SLCO2A1: variants seen among roughly 807,000 people sequenced by gnomAD.
SLCO2A1 encodes the protein solute carrier organic anion transporter family member 2A1.
Under a neutral mutation model 71.7 loss-of-function variants are expected in SLCO2A1, and 60 were observed. The ratio of observed to expected loss-of-function variants is 0.84; its 90% CI spans 0.68 to 1.04. The LOEUF (loss-of-function observed/expected upper bound fraction) is 1.04, where lower values mean the gene tolerates loss of function less well. Among genes scored for constraint, SLCO2A1 ranks in the 50% least tolerant of loss-of-function variants. The pLI is 0.00. For missense variants in SLCO2A1, 745 were observed against 813.4 expected (o/e 0.92, Z 1.02); for synonymous variants, 308 against 326.7 (o/e 0.94, Z 0.62).
chr3:134,000,341 G>A (rs914951038), intron 1 of SLCO2A1, among the ~76,000 whole-genome samples: 6 of 152,304 alleles, frequency 3.9e-5, no homozygotes, highest in Middle Eastern at 3.4e-3. Flanking sequence ...CAGAGAGGAG[G>A]TCACTGAGGA....
chr3:134,011,160 C>A (rs1275573257), intron 1 of SLCO2A1, among the ~76,000 whole-genome samples: 4 of 152,184 alleles, frequency 2.6e-5, no homozygotes, highest in Non-Finnish European at 2.9e-5. Flanking sequence ...AAGCAGCTCT[C>A]CTGCCTCAGC....
Position 133,995,569 on chromosome 3 carries a change from G to A in SLCO2A1, c.97-15951C>T, listed in dbSNP as rs555191033. ...ATCCATCTTCCTGGTAGTAAAGAAT[G>A]TCCCTCCTGTTACCTGGTCTCTATT... On this transcript the variant is annotated intron_variant, in intron 1 of 13. Coordinates refer to ENST00000310926, the MANE Select transcript of SLCO2A1 (RefSeq NM_005630.3). Among the ~76,000 whole-genome samples, 3 of 152,310 alleles carry A rather than the reference G, an allele frequency of 2.0e-5. No homozygotes were observed. The East Asian group carries it at 5.8e-4, about 29-fold the overall frequency.
intron 3 of SLCO2A1, among the ~76,000 whole-genome samples, chr3:133,958,147 G>A (rs1006442829): frequency 6.6e-6 from 1 of 152,212 alleles, no homozygotes; most frequent in Non-Finnish European, 1.5e-5. Flanking sequence ...ACTGGGTGTG[G>A]CGCTGGCTGA....
chr3:134,023,548 G>T (rs1935639293), intron 1 of SLCO2A1, among the ~76,000 whole-genome samples: 1 of 152,034 alleles, frequency 6.6e-6, no homozygotes, highest in Non-Finnish European at 1.5e-5. Flanking sequence ...CCCCGATGTA[G>T]AGCTTTCATG....
In SLCO2A1 at chr3:133,996,497, G is replaced by A. The variant is rs1467390194; in HGVS notation, c.97-16879C>T. On this transcript the variant is annotated intron_variant, in intron 1 of 13. Transcript: ENST00000310926. ...TTGCTCCTGAGGCTACGGCATTCCG[G>A]AGTCACACATGCTACAGACAGGCTA... Among the ~76,000 whole-genome samples, 4 of 152,200 alleles carry A rather than the reference G, an allele frequency of 2.6e-5. No individual in the cohort carries two copies. In the East Asian group the frequency reaches 7.7e-4, roughly 29 times the overall value.
chr3:133,986,563 C>T (rs546599446), intron 1 of SLCO2A1, among the ~76,000 whole-genome samples: 115 of 152,350 alleles, frequency 7.5e-4, no homozygotes, highest in African/African-American at 2.5e-3. Flanking sequence ...ATGCTCATGA[C>T]GGCCTCATTC....
intron 12 of SLCO2A1, 100 bp from the exon 13 acceptor site, chr3:133,935,997 A>G (rs772191574): frequency 5.5e-6 from 7 of 1,267,578 alleles, no homozygotes; most frequent in Non-Finnish European, 7.3e-6. Context: ...CACATACATG[A>G]GAACGGCTCT....
At chr3:133,937,077 G>A (rs1291048129) in intron 12 of SLCO2A1, among the ~76,000 whole-genome samples, 3 of 152,126 alleles carry the variant, frequency 2.0e-5, no homozygotes, top group Non-Finnish European at 4.4e-5. Flanking sequence ...AGCAAAAGCA[G>A]CGAGTGCTTC....
intron 1 of SLCO2A1, among the ~76,000 whole-genome samples, chr3:134,016,312 T>C (rs912138273): frequency 6.0e-5 from 9 of 151,042 alleles, no homozygotes; most frequent in African/African-American, 2.0e-4. Context: ...CTAACATATA[T>C]AAAGAACTCT....
At position 134,022,451 on chromosome 3, in the gene SLCO2A1, A is replaced by G. The variant is rs185662623; in HGVS notation, c.96+7256T>C. Among the ~76,000 whole-genome samples the G allele has an allele frequency of 3.7e-3, 565 of 152,346 alleles. 4 individuals are homozygous for G. The highest frequency in any genetic ancestry group is 0.013 in the African/African-American group (540 of 41,590). ...AATTATTGTTTTGAAGGTTTAAGCA[A>G]GTTTTAAAACGTTAATTATAAAGAA... is the stretch of plus-strand genomic sequence containing the variant. On this transcript the variant is annotated intron_variant, in intron 1 of 13. Coordinates refer to ENST00000310926, the MANE Select transcript of SLCO2A1 (RefSeq NM_005630.3).
At chr3:134,010,241 C>A (rs891561860) in intron 1 of SLCO2A1, among the ~76,000 whole-genome samples, 7 of 152,186 alleles carry the variant, frequency 4.6e-5, no homozygotes, top group African/African-American at 1.4e-4. Context: ...GTCCATTTCA[C>A]ACTGCTATAA....
At chr3:134,001,221 C>T (rs1935097458) in intron 1 of SLCO2A1, among the ~76,000 whole-genome samples, 1 of 152,110 alleles carries the variant, frequency 6.6e-6, no homozygotes, top group African/African-American at 2.4e-5. Context: ...AGGGATTCTC[C>T]TGCCTCAGCA....
intron 12 of SLCO2A1, 49 bp from the exon 13 acceptor site, chr3:133,935,946 G>T: frequency 6.7e-7 from 1 of 1,492,248 alleles, no homozygotes; most frequent in Non-Finnish European, 9.0e-7. Context: ...GCAGGCAGAG[G>T]TGTCCAGCAG....
chr3:133,998,388 C>T (rs929586853), intron 1 of SLCO2A1, among the ~76,000 whole-genome samples: 17 of 152,208 alleles, frequency 1.1e-4, no homozygotes, highest in African/African-American at 3.6e-4. Context: ...CTGTGTCTGC[C>T]GCCCATGTCC....
At chr3:133,986,655 A>G (rs1934721400) in intron 1 of SLCO2A1, among the ~76,000 whole-genome samples, 2 of 152,186 alleles carry the variant, frequency 1.3e-5, no homozygotes, top group Admixed American at 1.3e-4. Flanking sequence ...TAAAGAGAGA[A>G]CTTTTTACCA....
Position 134,009,817 on chromosome 3 carries a change from C to T in SLCO2A1, c.96+19890G>A, listed in dbSNP as rs559358924. ...AGCAATCAAATAGCAAAGTCTGGCT[C>T]AACAGTCTGTGGTTTGTGGTGAAGT... On this transcript the variant is annotated intron_variant, in intron 1 of 13. Transcript: ENST00000310926. Among the ~76,000 whole-genome samples the T allele has an allele frequency of 2.0e-5, 3 of 152,336 alleles. No homozygotes were observed. The South Asian group carries it at 6.2e-4, about 32-fold the overall frequency.
chr3:133,935,992 A>G, intron 12 of SLCO2A1, 95 bp from the exon 13 acceptor site: 1 of 1,294,862 alleles, frequency 7.7e-7, no homozygotes, highest in Non-Finnish European at 1.0e-6. Flanking sequence ...CAGTTCACAT[A>G]CATGAGAACG....
chr3:133,998,410 G>C (rs1935026631), intron 1 of SLCO2A1, among the ~76,000 whole-genome samples: 1 of 152,170 alleles, frequency 6.6e-6, no homozygotes, highest in Admixed American at 6.5e-5. Context: ...GCCTCCCCCT[G>C]CTCCCACCCC....
intron 12 of SLCO2A1, 114 bp from the exon 13 acceptor site, chr3:133,936,011 G>T: frequency 1.8e-6 from 2 of 1,093,296 alleles, no homozygotes; most frequent in Non-Finnish European, 2.4e-6. Context: ...CGGCTCTGCC[G>T]TACCCATAGG....
Sources: gnomAD v4.1 joint callset for allele counts (sites outside exome capture counted in the v4.1 genomes callset) on GRCh38, gnomAD v4.1.1 for gene constraint, MANE v1.5 for transcripts, NCBI Gene and HGNC (gene_info 2026-07-23, HGNC 2026-07-21) for gene names.